The following FAM107B variants were observed in gnomAD, a reference collection of about 807,000 sequenced individuals.
FAM107B encodes the protein family with sequence similarity 107 member B, also known as protein FAM107B.
FAM107B carries 21 observed loss-of-function variants against 31.5 expected under a neutral mutation model. The ratio of observed to expected loss-of-function variants is 0.67; its 90% CI spans 0.47 to 0.96. The LOEUF (loss-of-function observed/expected upper bound fraction) is 0.96. Ranked by LOEUF, FAM107B falls within the 40% of genes least tolerant of loss-of-function variation. The probability of loss-of-function intolerance (pLI) is 0.00; values close to 1 mark genes in which losing one functional copy is unlikely to be tolerated. For missense variants in FAM107B, 452 were observed against 377.1 expected (o/e 1.20, Z -1.64); for synonymous variants, 157 against 141.5 (o/e 1.11, Z -0.78).
chr10:14,772,902 A>G (rs1207429935), intron 1 of FAM107B, among the ~76,000 whole-genome samples: 2 of 152,216 alleles, frequency 1.3e-5, no homozygotes, highest in African/African-American at 2.4e-5. Context: ...CTTCAGTAAT[A>G]TAAGGTGGGT....
rs556396818 is a variant in FAM107B, at chr10:14,752,777, C to A, written c.411+21476G>T. Among the ~76,000 whole-genome samples the A allele has an allele frequency of 3.3e-5, 5 of 152,114 alleles. No homozygotes were observed. In the East Asian group the frequency reaches 9.7e-4, roughly 30 times the overall value. On this transcript the variant is annotated intron_variant, in intron 1 of 4. Coordinates refer to ENST00000181796, the MANE Select transcript of FAM107B (RefSeq NM_031453.4). ...CGAGACCCCATCTCTACAAAAAATA[C>A]AAAAATTAGCCGGGTGTGGTGGCAC...
intron 2 of FAM107B, among the ~76,000 whole-genome samples, chr10:14,618,270 A>C (rs996899201): frequency 6.6e-6 from 1 of 152,104 alleles, no homozygotes; most frequent in Non-Finnish European, 1.5e-5. Flanking sequence ...GTGGTATTCC[A>C]TTGTATTGTT....
intron 2 of FAM107B, among the ~76,000 whole-genome samples, chr10:14,656,859 G>A (rs1480300992): frequency 3.3e-5 from 5 of 152,222 alleles, no homozygotes. Flanking sequence ...CCGGTAACTG[G>A]TTCACCTTAC....
At chr10:14,755,287 A>C (rs1832906051) in intron 1 of FAM107B, among the ~76,000 whole-genome samples, 1 of 152,116 alleles carries the variant, frequency 6.6e-6, no homozygotes, top group Non-Finnish European at 1.5e-5. Context: ...AGGAGAGTAG[A>C]ACTACCAGCC....
At chr10:14,725,829 T>TC (rs1856020564) in intron 1 of FAM107B, among the ~76,000 whole-genome samples, 1 of 145,616 alleles carries the variant, frequency 6.9e-6, no homozygotes, top group East Asian at 2.0e-4. Flanking sequence ...TCCTTTTTTT[T>TC]TTTTTTTTTT....
intron 1 of FAM107B, among the ~76,000 whole-genome samples, chr10:14,760,596 T>A (rs1833023710): frequency 6.7e-6 from 1 of 149,706 alleles, no homozygotes; most frequent in South Asian, 2.1e-4. Context: ...AGAAGAGATG[T>A]ACGTTTTTTC....
At chr10:14,725,768 G>C (rs938726268) in intron 1 of FAM107B, among the ~76,000 whole-genome samples, 1 of 151,046 alleles carries the variant, frequency 6.6e-6, no homozygotes, top group Non-Finnish European at 1.5e-5. Flanking sequence ...TTCATCATAT[G>C]AGAGGTTAAG....
chr10:14,585,129 C>A (rs1470222521), intron 2 of FAM107B, among the ~76,000 whole-genome samples: 1 of 152,240 alleles, frequency 6.6e-6, no homozygotes. Flanking sequence ...TAACCGGGCT[C>A]TTGAGCCCCT....
chr10:14,524,029 G>C (rs1024152718), intron 3 of FAM107B, among the ~76,000 whole-genome samples: 2 of 131,192 alleles, frequency 1.5e-5, no homozygotes, highest in African/African-American at 5.9e-5. Flanking sequence ...ACCACGCCCA[G>C]CTCTATTTTT....
intron 2 of FAM107B, among the ~76,000 whole-genome samples, chr10:14,583,984 G>A (rs1851742659): frequency 6.6e-6 from 1 of 152,220 alleles, no homozygotes; most frequent in African/African-American, 2.4e-5. Flanking sequence ...AGTTCAGGAA[G>A]TGTGGGACTA....
intron 2 of FAM107B, chr10:14,555,707 C>G (rs1056538929): frequency 4.6e-5 from 7 of 152,314 alleles, no homozygotes; most frequent in Non-Finnish European, 7.3e-5. Flanking sequence ...ATGGCTTTAT[C>G]AAAGAACACA....
chr10:14,589,040 G>A (rs928052382), intron 2 of FAM107B, among the ~76,000 whole-genome samples: 1 of 151,628 alleles, frequency 6.6e-6, no homozygotes, highest in African/African-American at 2.4e-5. Flanking sequence ...AAATTAGCCG[G>A]GTGTGGTGGT....
intron 1 of FAM107B, among the ~76,000 whole-genome samples, chr10:14,696,415 ATCAG>A (rs1855266556): frequency 6.6e-6 from 1 of 152,154 alleles, no homozygotes; most frequent in South Asian, 2.1e-4. Context: ...GGATTTTTGC[ATCAG>A]TATTCATCAG....
At chr10:14,593,753 C>A (rs1446260762) in intron 2 of FAM107B, among the ~76,000 whole-genome samples, 1 of 151,604 alleles carries the variant, frequency 6.6e-6, no homozygotes, top group Non-Finnish European at 1.5e-5. Flanking sequence ...CCAGCTCTTA[C>A]CAAGCTACTT....
intron 2 of FAM107B, among the ~76,000 whole-genome samples, chr10:14,637,146 A>G (rs888991725): frequency 6.6e-6 from 1 of 152,106 alleles, no homozygotes; most frequent in Non-Finnish European, 1.5e-5. Context: ...CCCTTTTAAC[A>G]AGAGTGTCAT....
intron 1 of FAM107B, among the ~76,000 whole-genome samples, chr10:14,766,104 T>C (rs1407065324): frequency 2.0e-5 from 3 of 152,304 alleles, no homozygotes; most frequent in South Asian, 2.1e-4. Context: ...CATTTACCTA[T>C]AGAGGTGAAC....
At chr10:14,629,307 A>ATATT (rs1853257671) in intron 2 of FAM107B, among the ~76,000 whole-genome samples, 1 of 70,962 alleles carries the variant, frequency 1.4e-5, no homozygotes, top group Non-Finnish European at 2.6e-5. Flanking sequence ...ATAAATATAT[A>ATATT]ATATATATAA....
chr10:14,674,848 C>G (rs1239636944), intron 1 of FAM107B, among the ~76,000 whole-genome samples: 2 of 152,208 alleles, frequency 1.3e-5, no homozygotes, highest in African/African-American at 4.8e-5. Context: ...GATCCTCCCA[C>G]CTCAGCCTCC....
chr10:14,591,206 G>A (rs148396489), intron 2 of FAM107B, among the ~76,000 whole-genome samples: 73 of 152,176 alleles, frequency 4.8e-4, no homozygotes, highest in East Asian at 7.7e-4. Flanking sequence ...GCACCATCAC[G>A]GGGAATTCTA....
Sources: gnomAD v4.1 joint callset for allele counts (sites outside exome capture counted in the v4.1 genomes callset) on GRCh38, gnomAD v4.1.1 for gene constraint, MANE v1.5 for transcripts, NCBI Gene and HGNC (gene_info 2026-07-23, HGNC 2026-07-21) for gene names.